Variants in GARNL3 observed in about 807,000 individuals in gnomAD.
GARNL3 encodes GTPase activating Rap/RanGAP domain like 3.
In GARNL3, 63 loss-of-function variants were observed where a neutral mutation model predicts 125.0. The observed-to-expected ratio is 0.50, with a 90% confidence interval of 0.41 to 0.62. GARNL3 has a LOEUF of 0.62. Among genes scored for constraint, GARNL3 ranks in the 20% least tolerant of loss-of-function variants. The pLI is 0.00. For synonymous variants in GARNL3, 439 were observed against 457.5 expected (o/e 0.96, Z 0.52); for missense variants, 994 against 1,244.0 (o/e 0.80, Z 3.02).
intron 27 of GARNL3, among the ~76,000 whole-genome samples, chr9:127,391,245 A>G (rs1451928575): frequency 6.6e-6 from 1 of 150,992 alleles, no homozygotes; most frequent in Non-Finnish European, 1.5e-5. Flanking sequence ...AGATCGTGCC[A>G]CTGCACTCCA....
chr9:127,336,109 T>C lies in GARNL3; in HGVS notation c.874-19T>C. On this transcript the variant is annotated intron_variant, in intron 10 of 27. Coordinates refer to ENST00000373387, the MANE Select transcript of GARNL3 (RefSeq NM_032293.5). ...TGTTTGAGAGTCTTTCTCAGTGATGTTATTTATGCTCACTACAGGTGGAAA... is the reference window on the plus strand; with the variant it reads ...TGTTTGAGAGTCTTTCTCAGTGATGCTATTTATGCTCACTACAGGTGGAAA... 2 of 1,557,284 alleles carry C rather than the reference T, an allele frequency of 1.3e-6. No individual in the cohort carries two copies. Among genetic ancestry groups the C allele is most frequent in the South Asian group, 2.2e-5 (2 of 89,092 alleles).
upstream of GARNL3, chr9:127,263,954 C>G (rs1233200901): frequency 6.6e-7 from 1 of 1,525,232 alleles, no homozygotes; most frequent in East Asian, 2.5e-5. Flanking sequence ...GCCAAGAGGG[C>G]TGTAATTTAG....
At chr9:127,241,798 T>C (rs7867790) in intron 1 of GARNL3, among the ~76,000 whole-genome samples, 25,080 of 151,974 alleles carry the variant, frequency 0.17, 6,372 homozygotes, top group African/African-American at 0.55. Context: ...GAGACAGTCT[T>C]GCTCTGTCAC....
Position 127,338,179 on chromosome 9 carries a change from C to G in GARNL3, c.1028+18C>G. On this transcript the variant is annotated intron_variant, in intron 12 of 27. Transcript: ENST00000373387. ...AATTACAGGTAGGTAATGACTTTGT[C>G]TCGATTGCTTGTCCTAATTCTCATG... 1 of 1,581,286 alleles carries G rather than the reference C, an allele frequency of 6.3e-7. No individual in the cohort carries two copies. Among genetic ancestry groups the G allele is most frequent in the South Asian group, 1.1e-5 (1 of 90,400 alleles).
chr9:127,289,877 T>C (rs530776955), intron 1 of GARNL3, among the ~76,000 whole-genome samples: 1 of 152,184 alleles, frequency 6.6e-6, no homozygotes, highest in Non-Finnish European at 1.5e-5. Flanking sequence ...AACATTTGCT[T>C]TTAGAAATTA....
chr9:127,320,597 C>T (rs2131511392), intron 5 of GARNL3, 118 bp from the exon 6 acceptor site: 2 of 664,602 alleles, frequency 3.0e-6, no homozygotes, highest in Non-Finnish European at 5.3e-6. Flanking sequence ...ATTGATAACT[C>T]ATTTGTTGAT....
In GARNL3 at chr9:127,243,096, C is replaced by T. The variant is rs768519025; in HGVS notation, c.-11C>T. ...TGTTTCAGGACAGCTGCCCAGCCTC[C>T]AGGCCCACTGATGGACCCGTTAACG... On this transcript the variant is annotated 5_prime_UTR_variant, in exon 2 of 11. Transcript: ENST00000439286. 3 of 1,361,468 alleles carry T rather than the reference C, an allele frequency of 2.2e-6. No individual in the cohort carries two copies. In the South Asian group the frequency reaches 3.4e-5, roughly 16 times the overall value. 84.3% of individuals were successfully genotyped at this position (1,361,468 alleles called of 1,614,324 possible). A position where few individuals can be genotyped will look rare whatever the true frequency, so the allele number is the denominator to read the frequency against.
chr9:127,269,675 G>C (rs2063775431), intron 1 of GARNL3, among the ~76,000 whole-genome samples: 1 of 152,038 alleles, frequency 6.6e-6, no homozygotes, highest in Non-Finnish European at 1.5e-5. Flanking sequence ...TAGTGATGTT[G>C]AGCATCTTTT....
At chr9:127,230,381 C>T (rs1462410188) in intron 1 of GARNL3, among the ~76,000 whole-genome samples, 3 of 152,150 alleles carry the variant, frequency 2.0e-5, no homozygotes, top group East Asian at 1.9e-4. Flanking sequence ...AACATTCAGC[C>T]GGGCATGGTG....
At position 127,348,871 on chromosome 9, in the gene GARNL3, G is replaced by A. The variant is rs967219861; in HGVS notation, c.1432-53G>A. On this transcript the variant is annotated intron_variant, in intron 16 of 27. Transcript: ENST00000373387. ...ACTGTACATTTCCATTTGGTGGGCT[G>A]CAGTGTATTTTTTCTGGTGCACTTA... 6.8e-6 allele frequency: 8 copies of A among 1,183,876 alleles called. No homozygotes were observed. The African/African-American group carries it at 7.6e-5, about 11-fold the overall frequency. 73.3% of individuals were successfully genotyped at this position (1,183,876 alleles called of 1,614,324 possible).
chr9:127,275,952 G>A (rs2063944528), intron 1 of GARNL3, among the ~76,000 whole-genome samples: 1 of 151,836 alleles, frequency 6.6e-6, no homozygotes, highest in Admixed American at 6.6e-5. Context: ...GATTACTTTG[G>A]GAGTACATTT....
intron 25 of GARNL3, chr9:127,388,554 C>T (rs901406511): frequency 9.0e-5 from 29 of 322,020 alleles, no homozygotes; most frequent in African/African-American, 2.2e-4. Context: ...TTGAACACAG[C>T]GCTTTTCATA....
intron 15 of GARNL3, 33 bp downstream of exon 15, chr9:127,344,372 C>T: frequency 6.9e-7 from 1 of 1,455,300 alleles, no homozygotes; most frequent in Non-Finnish European, 9.7e-7. Context: ...TTCTGCGAGA[C>T]ATGTAGTTTT....
intron 1 of GARNL3, among the ~76,000 whole-genome samples, chr9:127,274,590 T>C (rs773966405): frequency 6.6e-6 from 1 of 152,262 alleles, no homozygotes; most frequent in East Asian, 1.9e-4. Flanking sequence ...TGCGCCTCTG[T>C]GCTGCTCTCT....
At chr9:127,379,783 AAG>A (rs1391104315) in intron 22 of GARNL3, among the ~76,000 whole-genome samples, 1 of 152,250 alleles carries the variant, frequency 6.6e-6, no homozygotes, top group Non-Finnish European at 1.5e-5. Context: ...CAATATAGTG[AAG>A]AAAGCAAATT....
chr9:127,336,689 T>C (rs1829571623), intron 11 of GARNL3, among the ~76,000 whole-genome samples: 1 of 152,174 alleles, frequency 6.6e-6, no homozygotes. Flanking sequence ...ATGATAGAAT[T>C]AATAGTATTT....
At chr9:127,272,876 C>G (rs555676271) in intron 1 of GARNL3, among the ~76,000 whole-genome samples, 1 of 152,196 alleles carries the variant, frequency 6.6e-6, no homozygotes, top group South Asian at 2.1e-4. Flanking sequence ...CACTTTTAAG[C>G]TTTTTCAGGC....
In GARNL3 at chr9:127,364,085, C is replaced by G. The variant is rs2131716603; in HGVS notation, c.2095-1215C>G. On this transcript the variant is annotated intron_variant, in intron 21 of 27. Coordinates refer to ENST00000373387, the MANE Select transcript of GARNL3 (RefSeq NM_032293.5). The surrounding 1 kb of genome is among the most constrained non-coding windows in gnomAD (Gnocchi z 4.2). ...TCCCATCTGTCTGCCCAGTCTGTGC[C>G]CCTCCAACCACCCCACCCCCAATCC... 6.6e-6 allele frequency: 1 copy of G among 152,416 alleles called. No homozygotes were observed. Among genetic ancestry groups the G allele is most frequent in the South Asian group, 2.1e-4 (1 of 4,824 alleles). The allele number at this position is 152,416 out of a possible 1,614,324, so 9.4% of individuals were successfully genotyped here. A position where few individuals can be genotyped will look rare whatever the true frequency, so the allele number is the denominator to read the frequency against.
chr9:127,344,889 G>A (rs540328100), intron 15 of GARNL3, among the ~76,000 whole-genome samples: 7 of 152,270 alleles, frequency 4.6e-5, no homozygotes, highest in South Asian at 2.1e-4. Flanking sequence ...TCCGGGAGGC[G>A]ACACAGCTGT....
Sources: allele counts gnomAD v4.1 joint callset (sites outside exome capture counted in the v4.1 genomes callset), GRCh38; gene constraint gnomAD v4.1.1; non-coding constraint Gnocchi (gnomAD v3.1); transcripts MANE v1.5; gene names NCBI Gene and HGNC (gene_info 2026-07-23, HGNC 2026-07-21).